Variants in CASK observed in about 807,000 individuals in gnomAD.
CASK encodes the protein calcium/calmodulin dependent serine protein kinase, also known as peripheral plasma membrane protein CASK.
CASK carries 4 observed loss-of-function variants against 82.9 expected under a neutral mutation model. The observed-to-expected ratio is 0.05, with a 90% CI of 0.02 to 0.11. CASK has a LOEUF of 0.11. Ranked by LOEUF, CASK falls within the 10% of genes least tolerant of loss-of-function variation. CASK has a pLI of 1.00. For missense variants in CASK, 358 were observed against 720.9 expected (o/e 0.50, Z 5.76); for synonymous variants, 259 against 253.5 (o/e 1.02, Z -0.20).
intron 19 of CASK, among the ~76,000 whole-genome samples, chrX:41,556,815 T>G (rs1397738093): frequency 1.8e-5 from 2 of 112,453 alleles, no homozygotes; most frequent in Non-Finnish European, 3.8e-5. Flanking sequence ...AAAGCAGTCT[T>G]GAACTATATT....
chrX:41,609,557 T>C (rs866317223), intron 12 of CASK, among the ~76,000 whole-genome samples: 73 of 109,579 alleles, frequency 6.7e-4, no homozygotes, highest in Non-Finnish European at 1.2e-3. Context: ...CAATTTCTTT[T>C]TTTTTTTTTT....
At chrX:41,821,469 A>G (rs62589184) in intron 2 of CASK, among the ~76,000 whole-genome samples, 17,985 of 111,438 alleles carry the variant, frequency 0.16, 1,411 homozygotes, top group Middle Eastern at 0.3. Flanking sequence ...ATTACTGGTA[A>G]TAACATAAAA....
intron 2 of CASK, among the ~76,000 whole-genome samples, chrX:41,801,637 T>C (rs1409403713): frequency 1.8e-5 from 2 of 111,615 alleles, no homozygotes; most frequent in African/African-American, 6.5e-5. Flanking sequence ...GCACCAGGTA[T>C]CTTTGAGGGC....
chrX:41,596,268 G>A (rs191959703), intron 12 of CASK, among the ~76,000 whole-genome samples: 16 of 111,077 alleles, frequency 1.4e-4, no homozygotes, highest in Admixed American at 2.9e-4. Flanking sequence ...AGGCTTTGCA[G>A]GCCATATGAT....
chrX:41,779,935 CA>C (rs950738364), intron 3 of CASK, among the ~76,000 whole-genome samples: 8 of 108,616 alleles, frequency 7.4e-5, no homozygotes, highest in African/African-American at 1.3e-4. Flanking sequence ...TTAAAATATA[CA>C]AAAAAATTAA....
intron 8 of CASK, among the ~76,000 whole-genome samples, chrX:41,643,680 T>C (rs1267690723): frequency 1.8e-5 from 2 of 111,211 alleles, no homozygotes; most frequent in African/African-American, 3.3e-5. Context: ...TGGGCTGAGA[T>C]GATGGGGTTT....
chrX:41,754,200 C>T (rs2068848906), intron 3 of CASK, among the ~76,000 whole-genome samples: 1 of 110,404 alleles, frequency 9.1e-6, no homozygotes. Flanking sequence ...GAGTTCGAGA[C>T]CAGCCTGGGC....
intron 3 of CASK, among the ~76,000 whole-genome samples, chrX:41,756,047 T>C (rs1275710297): frequency 1.8e-5 from 2 of 112,022 alleles, no homozygotes; most frequent in African/African-American, 6.5e-5. Flanking sequence ...AAAATGTATA[T>C]GGAATTGCAG....
At chrX:41,644,697 G>A (rs1214543258) in intron 8 of CASK, among the ~76,000 whole-genome samples, 1 of 111,992 alleles carries the variant, frequency 8.9e-6, no homozygotes, top group Non-Finnish European at 1.9e-5. Context: ...GAGAAATATC[G>A]CTGAATTCTT....
At chrX:41,786,246 T>G (rs1373110827) in intron 3 of CASK, among the ~76,000 whole-genome samples, 1 of 111,791 alleles carries the variant, frequency 8.9e-6, no homozygotes, top group Non-Finnish European at 1.9e-5. Context: ...AGATAATAAA[T>G]GTATGTTGTT....
intron 21 of CASK, 118 bp downstream of exon 21, chrX:41,553,601 G>A (rs1242907488): frequency 9.1e-6 from 5 of 546,848 alleles, no homozygotes; most frequent in South Asian, 8.5e-5. Flanking sequence ...TGTTTGGCTC[G>A]TAAAGGAAGG....
At chrX:41,634,009 G>A (rs935824868) in intron 9 of CASK, among the ~76,000 whole-genome samples, 2 of 111,807 alleles carry the variant, frequency 1.8e-5, no homozygotes, top group Non-Finnish European at 3.8e-5. Flanking sequence ...CGATTTGCCC[G>A]CCTTGGCCTC....
intron 2 of CASK, among the ~76,000 whole-genome samples, chrX:41,805,195 C>T (rs945479332): frequency 1.8e-5 from 2 of 112,098 alleles, no homozygotes; most frequent in Non-Finnish European, 3.8e-5. Flanking sequence ...TATGGCATGG[C>T]TCTCATTAAT....
At chrX:41,875,787 G>A (rs1244548752) in intron 1 of CASK, among the ~76,000 whole-genome samples, 2 of 111,357 alleles carry the variant, frequency 1.8e-5, no homozygotes, top group Non-Finnish European at 3.8e-5. Context: ...TAAAAAGCCT[G>A]GTTTTAGTAT....
At chrX:41,591,268 T>C (rs763848282) in intron 12 of CASK, among the ~76,000 whole-genome samples, 2 of 111,416 alleles carry the variant, frequency 1.8e-5, no homozygotes, top group African/African-American at 3.3e-5. Context: ...GACTAGCCTA[T>C]AGAAATGAAT....
At chrX:41,920,326 T>C (rs2072761873) in intron 1 of CASK, among the ~76,000 whole-genome samples, 1 of 112,211 alleles carries the variant, frequency 8.9e-6, no homozygotes, top group Non-Finnish European at 1.9e-5. Flanking sequence ...AAATGTATGC[T>C]GTCAAGGTCC....
intron 1 of CASK, among the ~76,000 whole-genome samples, chrX:41,909,040 T>A (rs1454942784): frequency 8.9e-6 from 1 of 112,132 alleles, no homozygotes; most frequent in Non-Finnish European, 1.9e-5. Flanking sequence ...GATCTAGAGT[T>A]CCAAGACAGT....
chrX:41,783,564 AC>A (rs1315420968), intron 3 of CASK, among the ~76,000 whole-genome samples: 2 of 110,559 alleles, frequency 1.8e-5, no homozygotes, highest in African/African-American at 6.6e-5. Context: ...AAAAAAAAAA[AC>A]AAAAGAATTA....
At chrX:41,846,901 C>A (rs755968449) in intron 2 of CASK, among the ~76,000 whole-genome samples, 1 of 111,547 alleles carries the variant, frequency 9.0e-6, no homozygotes, top group South Asian at 3.7e-4. Context: ...ATAAAGAATT[C>A]TTGGTAGATA....
Sources: gnomAD v4.1 joint callset for allele counts (sites outside exome capture counted in the v4.1 genomes callset) on GRCh38, gnomAD v4.1.1 for gene constraint, MANE v1.5 for transcripts, NCBI Gene and HGNC (gene_info 2026-07-23, HGNC 2026-07-21) for gene names.